EXOC4: variants seen among roughly 807,000 people sequenced by gnomAD.
The protein encoded by EXOC4 is exocyst complex component 4, also known as SEC8-like 1.
In EXOC4, 71 loss-of-function variants were observed where a neutral mutation model predicts 107.2. That is an observed-to-expected ratio of 0.66 (90% CI 0.55 to 0.81). The LOEUF (loss-of-function observed/expected upper bound fraction) is 0.81, where lower values mean the gene tolerates loss of function less well. Ranked by LOEUF, EXOC4 falls within the 30% of genes least tolerant of loss-of-function variation. EXOC4 has a pLI of 0.00. For synonymous variants in EXOC4, 456 were observed against 441.2 expected (o/e 1.03, Z -0.42); for missense variants, 1,108 against 1,189.6 (o/e 0.93, Z 1.01).
At chr7:133,428,461 G>T (rs1024257429) in intron 7 of EXOC4, among the ~76,000 whole-genome samples, 1 of 152,160 alleles carries the variant, frequency 6.6e-6, no homozygotes, top group African/African-American at 2.4e-5. Flanking sequence ...GAGTGATCAG[G>T]AAGAAGCAAT....
chr7:134,035,005 G>T (rs1002847504), intron 17 of EXOC4, among the ~76,000 whole-genome samples: 1 of 151,404 alleles, frequency 6.6e-6, no homozygotes, highest in Non-Finnish European at 1.5e-5. Flanking sequence ...TTGGGGTAAA[G>T]AAGGAGATAA....
intron 9 of EXOC4, among the ~76,000 whole-genome samples, chr7:133,524,225 G>T: frequency 1.2e-5 from 1 of 80,336 alleles, no homozygotes. Flanking sequence ...TGTGTTTTTT[G>T]GCTGCATAAA....
intron 10 of EXOC4, among the ~76,000 whole-genome samples, chr7:133,669,867 A>G (rs1177295765): frequency 1.3e-5 from 2 of 152,168 alleles, no homozygotes; most frequent in African/African-American, 2.4e-5. Flanking sequence ...TGTTTCCCTT[A>G]TTATATTTTT....
intron 9 of EXOC4, among the ~76,000 whole-genome samples, chr7:133,514,731 AT>A (rs1799840622): frequency 6.6e-6 from 1 of 152,168 alleles, no homozygotes; most frequent in South Asian, 2.1e-4. Flanking sequence ...ATAGGTTAAC[AT>A]TTTTTGAGTT....
intron 13 of EXOC4, among the ~76,000 whole-genome samples, chr7:133,932,155 T>A (rs992136181): frequency 2.0e-5 from 3 of 152,224 alleles, no homozygotes; most frequent in African/African-American, 7.2e-5. Context: ...TTTGCGGGGA[T>A]TCTGATTGCT....
At chr7:133,426,775 T>A (rs1022161158) in intron 7 of EXOC4, among the ~76,000 whole-genome samples, 1 of 152,232 alleles carries the variant, frequency 6.6e-6, no homozygotes, top group Non-Finnish European at 1.5e-5. Flanking sequence ...ACAGAGGTTA[T>A]TATTGAATAT....
intron 12 of EXOC4, among the ~76,000 whole-genome samples, chr7:133,910,681 C>T (rs1173245237): frequency 3.9e-5 from 6 of 152,202 alleles, no homozygotes; most frequent in Non-Finnish European, 8.8e-5. Context: ...TGTTGCTGGA[C>T]ATTTCACTGC....
At chr7:133,510,682 C>T (rs922758301) in intron 9 of EXOC4, among the ~76,000 whole-genome samples, 2 of 152,156 alleles carry the variant, frequency 1.3e-5, no homozygotes, top group African/African-American at 4.8e-5. Flanking sequence ...ATTAAAACAA[C>T]CCTCACTGTT....
At chr7:134,021,438 T>A (rs1438177255) in intron 17 of EXOC4, among the ~76,000 whole-genome samples, 1 of 152,152 alleles carries the variant, frequency 6.6e-6, no homozygotes, top group Non-Finnish European at 1.5e-5. Context: ...TGAACAGTAA[T>A]TCAAAATGTA....
At chr7:133,412,760 A>G (rs941004292) in intron 7 of EXOC4, among the ~76,000 whole-genome samples, 6 of 152,134 alleles carry the variant, frequency 3.9e-5, no homozygotes, top group African/African-American at 1.4e-4. Context: ...GAAGTTTTTC[A>G]TAAATAAATT....
intron 10 of EXOC4, among the ~76,000 whole-genome samples, chr7:133,761,540 CAG>C (rs1796032679): frequency 6.6e-6 from 1 of 152,106 alleles, no homozygotes; most frequent in Non-Finnish European, 1.5e-5. Context: ...CTTTACAAAA[CAG>C]TGAACTGATG....
chr7:133,585,581 A>AGCCTAGGTGACAGCCTAGGTGAC (rs1801383917), intron 9 of EXOC4, among the ~76,000 whole-genome samples: 1 of 151,950 alleles, frequency 6.6e-6, no homozygotes, highest in African/African-American at 2.4e-5. Flanking sequence ...AGCTGTGACC[A>AGCCTAGGTGACAGCCTAGGTGAC]CACCACTGTA....
the EXOC4 span, among the ~76,000 whole-genome samples, chr7:134,080,946 A>T: frequency 1.3e-5 from 2 of 152,144 alleles, no homozygotes; most frequent in Non-Finnish European, 2.9e-5. Flanking sequence ...TCTCTAAAAA[A>T]ATTGTAAACA....
chr7:133,708,736 A>T (rs1794820994), intron 10 of EXOC4, among the ~76,000 whole-genome samples: 1 of 152,238 alleles, frequency 6.6e-6, no homozygotes, highest in Non-Finnish European at 1.5e-5. Context: ...CTGGAAAGGT[A>T]ATTGATGTAT....
intron 10 of EXOC4, among the ~76,000 whole-genome samples, chr7:133,704,319 C>T (rs1027545928): frequency 2.6e-5 from 4 of 152,148 alleles, no homozygotes; most frequent in African/African-American, 9.7e-5. Context: ...TCACTTTCAG[C>T]ATGGAACTTC....
intron 1 of EXOC4, among the ~76,000 whole-genome samples, chr7:133,262,707 A>G (rs1157789469): frequency 2.0e-5 from 3 of 152,236 alleles, no homozygotes; most frequent in Non-Finnish European, 4.4e-5. Flanking sequence ...CTGAATCTGC[A>G]TTTAAACAAG....
chr7:133,265,619 T>A lies in EXOC4; in HGVS notation c.87-9363T>A, dbSNP rs1203600396. On this transcript the variant is annotated intron_variant, in intron 1 of 17. Transcript: ENST00000253861. ...GAGCTGTTGCTTCCTGATAAGTGAT[T>A]TTTGGATATGTGAAGCTCTACTTGT... Among the ~76,000 whole-genome samples, 6 of 152,280 alleles carry A rather than the reference T, an allele frequency of 3.9e-5. No homozygotes were observed. In the South Asian group the frequency reaches 1.2e-3, roughly 32 times the overall value.
chr7:133,459,178 G>A (rs979680089), intron 7 of EXOC4, among the ~76,000 whole-genome samples: 1 of 152,140 alleles, frequency 6.6e-6, no homozygotes, highest in Admixed American at 6.5e-5. Context: ...TATTTAAATA[G>A]CATGCTGTCT....
At chr7:133,769,241 G>A (rs139360401) in intron 10 of EXOC4, among the ~76,000 whole-genome samples, 4 of 151,804 alleles carry the variant, frequency 2.6e-5, no homozygotes, top group South Asian at 4.2e-4. Flanking sequence ...ACTTGTATCC[G>A]GAACTTAAAG....
Sources: allele counts gnomAD v4.1 joint callset (sites outside exome capture counted in the v4.1 genomes callset), GRCh38; gene constraint gnomAD v4.1.1; transcripts MANE v1.5; gene names NCBI Gene and HGNC (gene_info 2026-07-23, HGNC 2026-07-21).